Variants in GDF1 observed in about 807,000 individuals in gnomAD.
GDF1 encodes the protein embryonic growth/differentiation factor 1.
GDF1 carries 8 observed loss-of-function variants against 7.4 expected under a neutral mutation model. The ratio of observed to expected loss-of-function variants is 1.09; its 90% CI spans 0.64 to 1.96. The LOEUF is 1.96. Among genes scored for constraint, GDF1 ranks in the 30% most tolerant of loss-of-function variants. The pLI is 0.00. For synonymous variants in GDF1, 311 were observed against 276.7 expected, an observed-to-expected ratio of 1.12 and a Z score of -1.23; for missense variants, 574 against 551.5, an observed-to-expected ratio of 1.04 and a Z score of -0.41.
In GDF1 at chr19:18,869,107, C is replaced by A; in HGVS notation, c.609G>T (p.Trp203Cys). The change falls in exon 8 of 8, where the codon TGG (tryptophan) becomes TGT (cysteine). Residue 203 changes from tryptophan (W) to cysteine (C), a missense_variant. Coordinates refer to ENST00000247005, the MANE Select transcript of GDF1 (RefSeq NM_001492.6). ...TGCGCGGCCATGAGGCGTTGCGAGC[C>A]CAAGCGGCGCCCAGCAGCTCCGCGC... ...PVRAELLGAA[W>C]ARNASWPRSL... The A allele has an allele frequency of 9.2e-7, 1 of 1,082,808 alleles. No homozygotes were observed. Among genetic ancestry groups the A allele is most frequent in the Non-Finnish European group, 1.1e-6 (1 of 891,794 alleles). 67.1% of individuals were successfully genotyped at this position (1,082,808 alleles called of 1,614,324 possible). A position where few individuals can be genotyped will look rare whatever the true frequency, so the allele number is the denominator to read the frequency against.
At chr19:18,894,414 G>C (rs973723420) in intron 1 of GDF1, among the ~76,000 whole-genome samples, 5 of 152,150 alleles carry the variant, frequency 3.3e-5, no homozygotes, top group Non-Finnish European at 5.9e-5. Context: ...CAACCAGGCT[G>C]CTGCCAAGAA....
intron 4 of GDF1, among the ~76,000 whole-genome samples, chr19:18,879,640 C>T (rs1287826580): frequency 6.7e-6 from 1 of 148,322 alleles, no homozygotes; most frequent in Non-Finnish European, 1.5e-5. Flanking sequence ...AAGGCCCCAC[C>T]TCCTCCCCTT....
chr19:18,877,977 C>T, intron 6 of GDF1: 1 of 985,488 alleles, frequency 1.0e-6, no homozygotes, highest in East Asian at 1.1e-4. Context: ...TGGGTTCTCC[C>T]TTCCAAACAG....
At position 18,888,519 on chromosome 19, in the gene GDF1, T is replaced by TAAAAAAAAA. The variant is rs781426705; in HGVS notation, c.-913-4261_-913-4253dup. On this transcript the variant is annotated intron_variant, in intron 2 of 7. Coordinates refer to ENST00000247005, the MANE Select transcript of GDF1 (RefSeq NM_001492.6). ...GGCGACAGAGTGAGACCCTGTCTCT[T>TAAAAAAAAA]AAAAAAAAAAAAAAAAAAAAAAAAA... Among the ~76,000 whole-genome samples the TAAAAAAAAA allele has an allele frequency of 5.4e-4, 32 of 59,046 alleles. 3 individuals are homozygous for TAAAAAAAAA. The highest frequency in any genetic ancestry group is 2.3e-3 in the African/African-American group (31 of 13,246). 38.7% of individuals were successfully genotyped at this position (59,046 alleles called of 152,430 possible).
At chr19:18,886,316 G>A (rs1187922885) in intron 2 of GDF1, among the ~76,000 whole-genome samples, 21 of 152,158 alleles carry the variant, frequency 1.4e-4, no homozygotes, top group South Asian at 1.0e-3. Context: ...TTGGGAGGCC[G>A]AGGCGGGCGG....
chr19:18,870,337 G>T lies in GDF1; in HGVS notation c.-30C>A. 6.5e-7 allele frequency: 1 copy of T among 1,543,298 alleles called. No individual in the cohort carries two copies. On this transcript the variant is annotated 5_prime_UTR_variant, in exon 7 of 8. Transcript: ENST00000247005. The surrounding 1 kb of genome is among the most constrained non-coding windows in gnomAD (Gnocchi z 5.1). Reference sequence around the variant, plus strand: ...CTCCCAGGCGATGACCAGAGAGTGCGCAGGGTCCGCGGCGGCCCGGGACCA... The same window carrying T: ...CTCCCAGGCGATGACCAGAGAGTGCTCAGGGTCCGCGGCGGCCCGGGACCA...
intron 3 of GDF1, chr19:18,883,216 A>G (rs2056258495): frequency 6.6e-6 from 1 of 152,212 alleles, no homozygotes; most frequent in South Asian, 2.1e-4. Context: ...CAGCTAGAGC[A>G]GCTAGTCCCG....
rs200107216 is a variant in GDF1, at chr19:18,884,248, T to C, written c.-894A>G. The C allele has an allele frequency of 2.0e-4, 327 of 1,612,910 alleles. 1 individual carries two copies. In the African/African-American group the frequency reaches 3.3e-3, roughly 16 times the overall value. On this transcript the variant is annotated 5_prime_UTR_variant, in exon 3 of 8. Coordinates refer to ENST00000247005, the MANE Select transcript of GDF1 (RefSeq NM_001492.6). ...AGGCGGCTGCAATGTCCCGTGGCACTGCCATGCCCGGCGTCCAGTCTGGGG... is the reference window on the plus strand; with the variant it reads ...AGGCGGCTGCAATGTCCCGTGGCACCGCCATGCCCGGCGTCCAGTCTGGGG...
chr19:18,881,044 CCT>C (rs2056192619), intron 3 of GDF1, among the ~76,000 whole-genome samples: 1 of 151,750 alleles, frequency 6.6e-6, no homozygotes, highest in Non-Finnish European at 1.5e-5. Flanking sequence ...GACCTCTGAC[CCT>C]CTATGACCCC....
At position 18,878,828 on chromosome 19, in the gene GDF1, T is replaced by G; in HGVS notation, c.-313+102A>C. 6.6e-7 allele frequency: 1 copy of G among 1,518,214 alleles called. No individual in the cohort carries two copies. The highest frequency in any genetic ancestry group is 1.2e-5 in the South Asian group (1 of 80,992). The allele number at this position is 1,518,214 out of a possible 1,614,324, so 94.0% of individuals were successfully genotyped here. On this transcript the variant is annotated intron_variant, in intron 6 of 7. Transcript: ENST00000247005. This position sits in a 1 kb window ranked among gnomAD's most constrained non-coding sequence, Gnocchi z 4.6. The stretch of plus-strand genomic sequence containing the variant: ...GTAGGCTTGGGGGGCAGCATCCGCG[T>G]CGGCCTCATCTGCTGCTGGGTCTTG...
intron 2 of GDF1, among the ~76,000 whole-genome samples, chr19:18,887,731 T>G (rs2056395105): frequency 7.7e-6 from 1 of 129,236 alleles, no homozygotes; most frequent in Non-Finnish European, 1.6e-5. Context: ...GCAGCAAGAG[T>G]GAAACTCCAT....
At chr19:18,882,734 C>T (rs1319179705) in intron 3 of GDF1, among the ~76,000 whole-genome samples, 1 of 151,538 alleles carries the variant, frequency 6.6e-6, no homozygotes, top group African/African-American at 2.4e-5. Flanking sequence ...GCTCTGTCGC[C>T]CAGGCTGGAG....
At position 18,870,934 on chromosome 19, in the gene GDF1, G is replaced by T. The variant is rs569888260; in HGVS notation, c.-312-315C>A. 6.6e-6 allele frequency among the ~76,000 whole-genome samples: 1 copy of T among 151,966 alleles called. No individual in the cohort carries two copies. Among genetic ancestry groups the T allele is most frequent in the African/African-American group, 2.4e-5 (1 of 41,342 alleles). On this transcript the variant is annotated intron_variant, in intron 6 of 7. Transcript: ENST00000247005. The surrounding 1 kb of genome is among the most constrained non-coding windows in gnomAD (Gnocchi z 5.1). ...CAGGCCGCTGGAGGGCAAAACCCAC[G>T]TACCGGCCTGGGCCTGACAACTCCA...
intron 6 of GDF1, among the ~76,000 whole-genome samples, chr19:18,874,421 G>A (rs1010594784): frequency 8.5e-5 from 13 of 152,102 alleles, no homozygotes; most frequent in East Asian, 3.8e-4. Flanking sequence ...CTCCAGCCTC[G>A]GCCTCCCAAA....
intron 6 of GDF1, among the ~76,000 whole-genome samples, chr19:18,876,225 A>T (rs2146001656): frequency 6.6e-6 from 1 of 152,328 alleles, no homozygotes; most frequent in Admixed American, 6.5e-5. Context: ...ACTTCAAGTG[A>T]TCCACCTGCC....
In GDF1 at chr19:18,879,310, G is replaced by A; in HGVS notation, c.-492C>T. ...CATTGAAGAAGAAGTAGAAGGGGATGTCAGGCACCGTGCGCAGACTGCAGT... is the reference window on the plus strand; with the variant it reads ...CATTGAAGAAGAAGTAGAAGGGGATATCAGGCACCGTGCGCAGACTGCAGT... On this transcript the variant is annotated 5_prime_UTR_variant, in exon 5 of 8. Transcript: ENST00000247005. The A allele has an allele frequency of 6.2e-7, 1 of 1,612,236 alleles. No individual in the cohort carries two copies. Among genetic ancestry groups the A allele is most frequent in the Non-Finnish European group, 8.5e-7 (1 of 1,179,230 alleles).
At chr19:18,879,187 G>T in intron 5 of GDF1, 54 bp downstream of exon 5, 1 of 1,609,444 alleles carries the variant, frequency 6.2e-7, no homozygotes. Flanking sequence ...GAGGGGACAG[G>T]GATTGGGACG....
chr19:18,868,928 G>C lies in GDF1; in HGVS notation c.788C>G (p.Pro263Arg), dbSNP rs1555702266. ...CCGCCGCGCGCGACAAGCGCCCCCG[G>C]GGCCGCCGCCCAACACGGGTTCGGC... ...RDAEPVLGGG[P>R]GGACRARRLY... is the part of the protein sequence containing the mutation. Residue 263 changes from proline to arginine, a missense_variant, in exon 8 of 8, where the codon CCC (proline) becomes CGC (arginine). Physicochemically the swap from Pro to Arg is moderately radical, Grantham distance 103. Transcript: ENST00000247005. The C allele has an allele frequency of 3.8e-6, 5 of 1,330,732 alleles. No individual in the cohort carries two copies. Among genetic ancestry groups the C allele is most frequent in the Middle Eastern group, 2.9e-4 (1 of 3,462 alleles). 82.4% of individuals were successfully genotyped at this position (1,330,732 alleles called of 1,614,324 possible).
intron 2 of GDF1, among the ~76,000 whole-genome samples, chr19:18,892,569 G>A (rs1445438883): frequency 1.3e-5 from 2 of 151,984 alleles, no homozygotes; most frequent in African/African-American, 2.4e-5. Flanking sequence ...AGCCGAGATC[G>A]CGCCACTGCA....
Sources: allele counts gnomAD v4.1 joint callset (sites outside exome capture counted in the v4.1 genomes callset), GRCh38; gene constraint gnomAD v4.1.1; non-coding constraint Gnocchi (gnomAD v3.1); transcripts MANE v1.5; gene names NCBI Gene and HGNC (gene_info 2026-07-23, HGNC 2026-07-21).